OPRL1: variants seen among roughly 807,000 people sequenced by gnomAD.
The protein encoded by OPRL1 is nociceptin receptor.
In OPRL1, 5 loss-of-function variants were observed where a neutral mutation model predicts 15.5. The ratio of observed to expected loss-of-function variants is 0.32; its 90% confidence interval spans 0.17 to 0.68. The LOEUF (loss-of-function observed/expected upper bound fraction) is 0.68, where lower values mean the gene tolerates loss of function less well. OPRL1 is among the 30% of genes least tolerant of loss of function. The pLI, the probability that OPRL1 is intolerant of heterozygous loss-of-function variation, is 0.72. For synonymous variants in OPRL1, 223 were observed against 230.2 expected (o/e 0.97, Z 0.28); for missense variants, 406 against 515.3 (o/e 0.79, Z 2.05).
chr20:64,083,790 C>T lies in OPRL1; in HGVS notation c.-185+3438C>T, dbSNP rs752019031. ...TCCGCTCAACGCTCCCGGTGCGCCC[C>T]CTCTGCCCTCCGACCCCCTCGCCTC... On this transcript the variant is annotated intron_variant, in intron 1 of 4. Coordinates refer to ENST00000336866, the MANE Select transcript of OPRL1 (RefSeq NM_182647.4). This position sits in a 1 kb window ranked among gnomAD's most constrained non-coding sequence, Gnocchi z 4.9. 2.2e-6 allele frequency: 3 copies of T among 1,338,838 alleles called. No homozygotes were observed. The African/African-American group carries it at 4.6e-5, about 21-fold the overall frequency. The allele number at this position is 1,338,838 out of a possible 1,614,324, so 82.9% of individuals were successfully genotyped here.
chr20:64,082,547 CAGG>C (rs1483561262), intron 1 of OPRL1, among the ~76,000 whole-genome samples: 21 of 152,280 alleles, frequency 1.4e-4, no homozygotes, highest in African/African-American at 5.1e-4. Flanking sequence ...AGCCCCCTAG[CAGG>C]AGGAGCGGTT....
Position 64,083,753 on chromosome 20 carries a change from GC to G in OPRL1, c.-185+3405del. On this transcript the variant is annotated intron_variant, in intron 1 of 4. Coordinates refer to ENST00000336866, the MANE Select transcript of OPRL1 (RefSeq NM_182647.4). The surrounding 1 kb of genome is among the most constrained non-coding windows in gnomAD (Gnocchi z 4.9). Reference sequence around the variant, plus strand: ...CGCGCGCCGAGCCCCGCCCCGCCCCGCCCCGGCCGGCTCCGCTCAACGCTCC... The same window carrying G: ...CGCGCGCCGAGCCCCGCCCCGCCCCGCCCGGCCGGCTCCGCTCAACGCTCC... 1 of 1,156,472 alleles carries G rather than the reference GC, an allele frequency of 8.6e-7. No homozygotes were observed. Among genetic ancestry groups the G allele is most frequent in the Non-Finnish European group, 1.1e-6 (1 of 886,842 alleles). 71.6% of individuals were successfully genotyped at this position (1,156,472 alleles called of 1,614,324 possible).
intron 3 of OPRL1, among the ~76,000 whole-genome samples, chr20:64,095,865 G>C (rs1345908385): frequency 6.6e-6 from 1 of 152,048 alleles, no homozygotes; most frequent in Non-Finnish European, 1.5e-5. Context: ...GAGAAAAGCT[G>C]TTCCCCTCTG....
rs1181710302 is a variant in OPRL1 at position 64,089,387 on chromosome 20, G to A, written c.-184-2579G>A. ...GCCTTGGTGGGGGTGCAGGTGGCTG[G>A]TTGCTATTGCTGGGTGAGAAGGCTT... On this transcript the variant is annotated intron_variant, in intron 1 of 4. Transcript: ENST00000336866. This position sits in a 1 kb window ranked among gnomAD's most constrained non-coding sequence, Gnocchi z 5.5. Among the ~76,000 whole-genome samples the A allele has an allele frequency of 6.6e-6, 1 of 152,084 alleles. No individual in the cohort carries two copies. The highest frequency in any genetic ancestry group is 1.5e-5 in the Non-Finnish European group (1 of 68,006).
At chr20:64,084,146 G>C (rs775421121) in intron 1 of OPRL1, 2 of 1,457,808 alleles carry the variant, frequency 1.4e-6, no homozygotes, top group Non-Finnish European at 1.8e-6. Context: ...CTCACCCTGC[G>C]CCGTGCCTGG....
In OPRL1 at chr20:64,098,340, C is replaced by T. The variant is rs767233709; in HGVS notation, c.654C>T (p.Cys218=). 5 of 1,613,898 alleles carry T rather than the reference C, an allele frequency of 3.1e-6. No individual in the cohort carries two copies. In the South Asian group the frequency reaches 5.5e-5, roughly 18 times the overall value. Residue 218 remains cysteine (C), a synonymous_variant, in exon 5 of 5, where the codon TGC becomes TGT. Transcript: ENST00000336866. ...QDYWGPVFAI[C]IFLFSFIVPV... is the part of the protein sequence containing the mutation. ...ACTGGGGCCCGGTGTTTGCCATCTGCATCTTCCTCTTCTCCTTCATCGTCC... is the reference window on the plus strand; with the variant it reads ...ACTGGGGCCCGGTGTTTGCCATCTGTATCTTCCTCTTCTCCTTCATCGTCC...
intron 1 of OPRL1, among the ~76,000 whole-genome samples, chr20:64,086,204 G>C (rs764105919): frequency 9.9e-5 from 15 of 152,238 alleles, no homozygotes; most frequent in Non-Finnish European, 2.1e-4. Context: ...GGACACATGG[G>C]TGGGGCACTT....
intron 1 of OPRL1, among the ~76,000 whole-genome samples, chr20:64,082,824 G>C (rs567411777): frequency 2.2e-4 from 33 of 150,870 alleles, no homozygotes; most frequent in Non-Finnish European, 4.4e-4. Context: ...TGTGTGGGGG[G>C]GTGGGTGTGG....
chr20:64,088,772 G>A (rs74216684), intron 1 of OPRL1, among the ~76,000 whole-genome samples: 28 of 90,746 alleles, frequency 3.1e-4, no homozygotes, highest in South Asian at 1.1e-3. Flanking sequence ...ATCTGTGCAG[G>A]GAGGGTAGGA....
At chr20:64,084,173 C>G (rs2060013357) in intron 1 of OPRL1, 2 of 1,451,360 alleles carry the variant, frequency 1.4e-6, no homozygotes, top group Non-Finnish European at 1.8e-6. Context: ...CTTCCCGCTT[C>G]GCTCCCGCGG....
At chr20:64,082,995 C>G (rs886511916) in intron 1 of OPRL1, among the ~76,000 whole-genome samples, 76 of 152,220 alleles carry the variant, frequency 5.0e-4, no homozygotes, top group African/African-American at 1.6e-3. Context: ...CAGCTTAGGT[C>G]ACTTCCGCTG....
chr20:64,092,092 C>T lies in OPRL1; in HGVS notation c.-58C>T, dbSNP rs890073444. Reference sequence around the variant, plus strand: ...TGAGGGCGGGGGTCTCCACGGTGGTCCCAGCTCCCAAGGAGGTTGCAGAAG... The same window carrying T: ...TGAGGGCGGGGGTCTCCACGGTGGTTCCAGCTCCCAAGGAGGTTGCAGAAG... On this transcript the variant is annotated 5_prime_UTR_variant, in exon 2 of 5. Transcript: ENST00000336866. The T allele has an allele frequency of 6.5e-5, 10 of 153,980 alleles. No individual in the cohort carries two copies. The highest frequency in any genetic ancestry group is 2.4e-4 in the African/African-American group (10 of 41,458). 9.5% of individuals were successfully genotyped at this position (153,980 alleles called of 1,614,324 possible). A position where few individuals can be genotyped will look rare whatever the true frequency, so the allele number is the denominator to read the frequency against.
rs140620207 is a variant in OPRL1 at position 64,090,221 on chromosome 20, G to A, written c.-184-1745G>A. 1.3e-5 allele frequency among the ~76,000 whole-genome samples: 2 copies of A among 152,300 alleles called. No homozygotes were observed. The highest frequency in any genetic ancestry group is 3.9e-4 in the East Asian group (2 of 5,184). On this transcript the variant is annotated intron_variant, in intron 1 of 4. Coordinates refer to ENST00000336866, the MANE Select transcript of OPRL1 (RefSeq NM_182647.4). The surrounding 1 kb of genome is among the most constrained non-coding windows in gnomAD (Gnocchi z 4.9). ...CATCCATGTCTCTGTGTGTTCACCC[G>A]TATGCCTGTCTGGGCATCTGTGTGT...
At chr20:64,087,917 C>T (rs938423260) in intron 1 of OPRL1, among the ~76,000 whole-genome samples, 4 of 152,226 alleles carry the variant, frequency 2.6e-5, no homozygotes, top group African/African-American at 9.6e-5. Flanking sequence ...CACCAGTTCT[C>T]CTCCGTGGGA....
rs772476494 is a variant in OPRL1, at chr20:64,098,550, G to C, written c.864G>C (p.Leu288=). Residue 288 remains leucine (L), a synonymous_variant, in exon 5 of 5, where the codon CTG becomes CTC. Coordinates refer to ENST00000336866, the MANE Select transcript of OPRL1 (RefSeq NM_182647.4). The part of the protein sequence containing the change: ...PVQVFVLAQG[L]GVQPSSETAV... ...AGGTCTTCGTGCTGGCCCAAGGGCT[G>C]GGGGTTCAGCCGAGCAGCGAGACTG... 2.5e-6 allele frequency: 4 copies of C among 1,612,794 alleles called. No individual in the cohort carries two copies. The highest frequency in any genetic ancestry group is 3.4e-6 in the Non-Finnish European group (4 of 1,180,000).
At chr20:64,098,219 G>T in intron 4 of OPRL1, 57 bp from the exon 5 acceptor site, 1 of 1,602,640 alleles carries the variant, frequency 6.2e-7, no homozygotes, top group Non-Finnish European at 8.5e-7. Flanking sequence ...GCTCCTCTGG[G>T]CCCACGTGCC....
intron 1 of OPRL1, chr20:64,084,226 G>A: frequency 4.3e-6 from 6 of 1,386,832 alleles, no homozygotes; most frequent in Non-Finnish European, 5.6e-6. Context: ...GCATCCTCCC[G>A]CCCTGCGGAG....
rs775233731 is a variant in OPRL1 at position 64,083,434 on chromosome 20, G to A, written c.-185+3082G>A. The stretch of plus-strand genomic sequence containing the variant: ...GGCGCGTCGCACACTCTCAGTCGCC[G>A]TCACCGCGGGAAGATGGTGCCATCC... On this transcript the variant is annotated intron_variant, in intron 1 of 4. Transcript: ENST00000336866. The surrounding 1 kb of genome is among the most constrained non-coding windows in gnomAD (Gnocchi z 4.9). The A allele has an allele frequency of 1.9e-6, 3 of 1,611,094 alleles. No individual in the cohort carries two copies. Among genetic ancestry groups the A allele is most frequent in the Middle Eastern group, 1.7e-4 (1 of 6,054 alleles).
chr20:64,098,453 G>C lies in OPRL1; in HGVS notation c.767G>C (p.Arg256Pro), dbSNP rs200326446. The change falls in exon 5 of 5, where the codon CGG (arginine) becomes CCG (proline). Residue 256 changes from arginine (R) to proline (P), a missense_variant. Coordinates refer to ENST00000336866, the MANE Select transcript of OPRL1 (RefSeq NM_182647.4). ...CTCTCGGGCTCCCGAGAGAAGGACC[G>C]GAACCTGCGGCGCATCACTCGGCTG... ...RLLSGSREKD[R>P]NLRRITRLVL... 6.2e-7 allele frequency: 1 copy of C among 1,613,268 alleles called. No individual in the cohort carries two copies. Among genetic ancestry groups the C allele is most frequent in the African/African-American group, 1.3e-5 (1 of 74,904 alleles).
Sources: allele counts gnomAD v4.1 joint callset (sites outside exome capture counted in the v4.1 genomes callset), GRCh38; gene constraint gnomAD v4.1.1; non-coding constraint Gnocchi (gnomAD v3.1); transcripts MANE v1.5; gene names NCBI Gene and HGNC (gene_info 2026-07-23, HGNC 2026-07-21).